The following TUSC3 variants were observed in gnomAD, a reference collection of about 807,000 sequenced individuals.
The protein encoded by TUSC3 is dolichyl-diphosphooligosaccharide--protein glycosyltransferase subunit TUSC3.
In TUSC3, 45 loss-of-function variants were observed where a neutral mutation model predicts 44.8. The ratio of observed to expected loss-of-function variants is 1.00; its 90% CI spans 0.79 to 1.29. TUSC3 has a LOEUF of 1.29. Among genes scored for constraint, TUSC3 ranks in the 50% most tolerant of loss-of-function variants. The probability of loss-of-function intolerance (pLI) is 0.00; values close to 1 mark genes in which losing one functional copy is unlikely to be tolerated. For missense variants in TUSC3, 519 were observed against 437.9 expected (o/e 1.19, Z -1.65); for synonymous variants, 212 against 152.9 (o/e 1.39, Z -2.85).
chr8:15,454,087 C>G (rs916120071), intron 1 of TUSC3, among the ~76,000 whole-genome samples: 1 of 152,156 alleles, frequency 6.6e-6, no homozygotes, highest in Non-Finnish European at 1.5e-5. Context: ...GCTCCCCTCC[C>G]AAGTGCTGGC....
At chr8:15,637,468 T>G (rs1806134408) in intron 2 of TUSC3, among the ~76,000 whole-genome samples, 1 of 152,166 alleles carries the variant, frequency 6.6e-6, no homozygotes, top group Non-Finnish European at 1.5e-5. Flanking sequence ...ATTTCTGATT[T>G]GAGATTTTCT....
At chr8:15,806,957 C>G in the TUSC3 span, 1 of 1,466,230 alleles carries the variant, frequency 6.8e-7, no homozygotes, top group Non-Finnish European at 9.5e-7. Flanking sequence ...CTCTCGTGTT[C>G]ATCAATCTCC....
chr8:15,423,810 C>T (rs954962641), intron 1 of TUSC3, among the ~76,000 whole-genome samples: 12 of 151,948 alleles, frequency 7.9e-5, no homozygotes, highest in African/African-American at 2.4e-4. Context: ...ACCTGTCTCG[C>T]TGTCTGGAGC....
upstream of TUSC3, among the ~76,000 whole-genome samples, chr8:15,539,957 G>A (rs973722431): frequency 6.6e-5 from 10 of 152,136 alleles, no homozygotes; most frequent in South Asian, 4.1e-4. Flanking sequence ...GCTGGGGACC[G>A]CAGGGGCCAG....
the TUSC3 span, among the ~76,000 whole-genome samples, chr8:15,786,939 A>G: frequency 2.3e-4 from 23 of 99,176 alleles, no homozygotes; most frequent in African/African-American, 1.0e-3. Flanking sequence ...GGGAGACTCC[A>G]TCAAAAAAAA....
At chr8:15,638,167 C>T (rs142217244) in intron 2 of TUSC3, among the ~76,000 whole-genome samples, 8 of 152,156 alleles carry the variant, frequency 5.3e-5, no homozygotes, top group East Asian at 1.9e-4. Flanking sequence ...CCACCCCCGC[C>T]GCCCCCCGTA....
At chr8:15,831,272 A>G in the TUSC3 span, among the ~76,000 whole-genome samples, 6 of 152,238 alleles carry the variant, frequency 3.9e-5, no homozygotes, top group Non-Finnish European at 7.3e-5. Context: ...AGGTCAACAA[A>G]TAGGATAAAA....
At chr8:15,481,458 C>T (rs1291374687) in intron 1 of TUSC3, among the ~76,000 whole-genome samples, 2 of 151,984 alleles carry the variant, frequency 1.3e-5, no homozygotes, top group Non-Finnish European at 2.9e-5. Context: ...CACAAGAAGG[C>T]CCTCACCAAA....
At chr8:15,470,557 A>G (rs77982411) in intron 1 of TUSC3, among the ~76,000 whole-genome samples, 9,619 of 152,264 alleles carry the variant, frequency 0.063, 338 homozygotes, top group South Asian at 0.13. Flanking sequence ...GACAGGAGGT[A>G]TATGGGAATT....
At chr8:15,587,930 A>G (rs10096414) in intron 1 of TUSC3, among the ~76,000 whole-genome samples, 66,978 of 151,828 alleles carry the variant, frequency 0.44, 15,795 homozygotes, top group East Asian at 0.63. Flanking sequence ...ATTCTATTAT[A>G]TATATATGCT....
At position 15,723,848 on chromosome 8, in the gene TUSC3, C is replaced by G. The variant is rs555579937; in HGVS notation, c.799-6818C>G. 5.3e-5 allele frequency among the ~76,000 whole-genome samples: 8 copies of G among 152,190 alleles called. No individual in the cohort carries two copies. In the South Asian group the frequency reaches 1.5e-3, roughly 28 times the overall value. ...AAATAATTCTTAGTATTTTAGCACA[C>G]AAAGGAGACTCAGGACTAGTATCAT... On this transcript the variant is annotated intron_variant, in intron 6 of 10. Coordinates refer to ENST00000503731, the MANE Select transcript of TUSC3 (RefSeq NM_006765.4).
intron 1 of TUSC3, among the ~76,000 whole-genome samples, chr8:15,553,186 T>C (rs1172667390): frequency 6.6e-6 from 1 of 151,732 alleles, no homozygotes; most frequent in East Asian, 1.9e-4. Context: ...GCAGAATATA[T>C]GGAAATGAAG....
At chr8:15,800,087 A>G in the TUSC3 span, among the ~76,000 whole-genome samples, 2 of 152,212 alleles carry the variant, frequency 1.3e-5, no homozygotes, top group African/African-American at 4.8e-5. Flanking sequence ...GTTGTAAGCA[A>G]ACTTATCCTT....
At chr8:15,720,614 A>T (rs1014464287) in intron 6 of TUSC3, among the ~76,000 whole-genome samples, 1 of 152,148 alleles carries the variant, frequency 6.6e-6, no homozygotes, top group African/African-American at 2.4e-5. Flanking sequence ...TGCTCATCAG[A>T]ATGCAGTGGT....
At chr8:15,800,574 TAA>T in the TUSC3 span, among the ~76,000 whole-genome samples, 36 of 139,760 alleles carry the variant, frequency 2.6e-4, no homozygotes, top group Admixed American at 2.9e-4. Flanking sequence ...ACCCTGTCTT[TAA>T]AAAAAAAAAA....
In TUSC3 at chr8:15,765,100, A is replaced by G. The variant is rs2129226084; in HGVS notation, c.*944A>G. ...AACAAACATAGGAGTGTAATGTACTATTATGTTTGTATCCTGTTTTAGTTT... is the reference window on the plus strand; with the variant it reads ...AACAAACATAGGAGTGTAATGTACTGTTATGTTTGTATCCTGTTTTAGTTT... On this transcript the variant is annotated 3_prime_UTR_variant, in exon 11 of 11. Transcript: ENST00000503731. 6.6e-6 allele frequency: 1 copy of G among 152,120 alleles called. No homozygotes were observed. The highest frequency in any genetic ancestry group is 2.1e-4 in the South Asian group (1 of 4,822). The allele number at this position is 152,120 out of a possible 1,614,324, so 9.4% of individuals were successfully genotyped here.
chr8:15,643,807 G>C (rs1330601740), intron 2 of TUSC3, among the ~76,000 whole-genome samples: 1 of 152,154 alleles, frequency 6.6e-6, no homozygotes, highest in Non-Finnish European at 1.5e-5. Flanking sequence ...TGTGCAGGGT[G>C]TTGTTTATCA....
intron 1 of TUSC3, among the ~76,000 whole-genome samples, chr8:15,561,239 G>C (rs1228254615): frequency 6.9e-6 from 1 of 144,320 alleles, no homozygotes; most frequent in Non-Finnish European, 1.5e-5. Context: ...ACCCTCAGCT[G>C]CAGGTCTGTT....
chr8:15,735,794 G>C (rs1290877122), intron 7 of TUSC3, among the ~76,000 whole-genome samples: 4 of 152,144 alleles, frequency 2.6e-5, no homozygotes, highest in African/African-American at 9.7e-5. Flanking sequence ...CTGCCTTCCG[G>C]GTTCACGCCA....
Sources: allele counts gnomAD v4.1 joint callset (sites outside exome capture counted in the v4.1 genomes callset), GRCh38; gene constraint gnomAD v4.1.1; transcripts MANE v1.5; gene names NCBI Gene and HGNC (gene_info 2026-07-23, HGNC 2026-07-21).